The following PTN variants were observed in gnomAD, a reference collection of about 807,000 sequenced individuals.
The protein encoded by PTN is pleiotrophin.
Under a neutral mutation model 24.1 loss-of-function variants are expected in PTN, and 18 were observed. That is an observed-to-expected ratio of 0.75 (90% CI 0.52 to 1.11). PTN has a LOEUF of 1.11. Among genes scored for constraint, PTN ranks in the 50% least tolerant of loss-of-function variants. PTN has a pLI of 0.00. For missense variants in PTN, 163 were observed against 198.8 expected, an observed-to-expected ratio of 0.82 and a Z score of 1.08; for synonymous variants, 78 against 68.6, an observed-to-expected ratio of 1.14 and a Z score of -0.67.
chr7:137,316,402 G>A (rs1416010914), intron 1 of PTN, among the ~76,000 whole-genome samples: 1 of 152,038 alleles, frequency 6.6e-6, no homozygotes, highest in African/African-American at 2.4e-5. Flanking sequence ...TCCATATTCA[G>A]GGAACATAAG....
At chr7:137,250,441 C>G (rs988995106) in intron 4 of PTN, among the ~76,000 whole-genome samples, 3 of 152,174 alleles carry the variant, frequency 2.0e-5, no homozygotes, top group Non-Finnish European at 2.9e-5. Flanking sequence ...AGGGCCTACC[C>G]TTGTGACTGC....
chr7:137,252,983 G>A (rs1305051362), intron 3 of PTN, among the ~76,000 whole-genome samples: 1 of 152,116 alleles, frequency 6.6e-6, no homozygotes, highest in East Asian at 1.9e-4. Flanking sequence ...AAGTGACAGG[G>A]AGAAACATGG....
chr7:137,235,180 A>T (rs1015866570), intron 4 of PTN, among the ~76,000 whole-genome samples: 1 of 152,080 alleles, frequency 6.6e-6, no homozygotes, highest in Middle Eastern at 3.2e-3. Context: ...CGCAACGTAA[A>T]TATGTTCAAA....
chr7:137,263,618 C>A (rs1305705767), intron 1 of PTN, among the ~76,000 whole-genome samples: 1 of 151,992 alleles, frequency 6.6e-6, no homozygotes, highest in African/African-American at 2.4e-5. Flanking sequence ...AAGTACCAGG[C>A]CTATAATATT....
Position 137,228,085 on chromosome 7 carries a change from C to CA in PTN, c.452-11dup, listed in dbSNP as rs1563191493. 2.0e-6 allele frequency: 3 copies of CA among 1,484,726 alleles called. No homozygotes were observed. The highest frequency in any genetic ancestry group is 1.7e-5 in the Admixed American group (1 of 57,204). 92.0% of individuals were successfully genotyped at this position (1,484,726 alleles called of 1,614,324 possible). ...TTCTTCTTAGATTCTGCTGTGATTA[C>CA]AAAAAAGAGAGACAGAAAGAGAGAA... is the stretch of plus-strand genomic sequence containing the variant. On this transcript the variant is annotated splice_polypyrimidine_tract_variant and intron_variant, in intron 4 of 4. Coordinates refer to ENST00000348225, the MANE Select transcript of PTN (RefSeq NM_002825.7).
Position 137,229,841 on chromosome 7 carries a change from G to A in PTN, c.452-1766C>T, listed in dbSNP as rs151137715. Among the ~76,000 whole-genome samples the A allele has an allele frequency of 1.5e-3, 222 of 151,930 alleles. 1 individual carries two copies. The highest frequency in any genetic ancestry group is 5.2e-3 in the African/African-American group (217 of 41,496). ...TTTTAGATCAAAGGAGACATTATGT[G>A]TAATTTCCGAAAAATTATTCAGTGT... On this transcript the variant is annotated intron_variant, in intron 4 of 4. Coordinates refer to ENST00000348225, the MANE Select transcript of PTN (RefSeq NM_002825.7).
At chr7:137,291,046 G>A (rs566972540) in intron 1 of PTN, among the ~76,000 whole-genome samples, 1 of 152,170 alleles carries the variant, frequency 6.6e-6, no homozygotes, top group African/African-American at 2.4e-5. Context: ...TAACCAATAT[G>A]GGATCATTAA....
At chr7:137,271,310 T>C (rs1809267786) in intron 1 of PTN, among the ~76,000 whole-genome samples, 1 of 152,220 alleles carries the variant, frequency 6.6e-6, no homozygotes, top group African/African-American at 2.4e-5. Context: ...CAAAGTGTTC[T>C]TTTCCCATGT....
At chr7:137,312,465 A>C (rs1240775204) in intron 1 of PTN, among the ~76,000 whole-genome samples, 1 of 152,230 alleles carries the variant, frequency 6.6e-6, no homozygotes, top group African/African-American at 2.4e-5. Flanking sequence ...TGGGTGGTTT[A>C]TTCTGCCCGT....
intron 1 of PTN, among the ~76,000 whole-genome samples, chr7:137,274,241 C>T (rs906820045): frequency 6.6e-6 from 1 of 152,176 alleles, no homozygotes; most frequent in Non-Finnish European, 1.5e-5. Flanking sequence ...GCTCCTCCTT[C>T]ACTACTCACT....
intron 1 of PTN, among the ~76,000 whole-genome samples, chr7:137,328,541 G>A (rs1428130387): frequency 6.6e-6 from 1 of 152,132 alleles, no homozygotes; most frequent in African/African-American, 2.4e-5. Context: ...ACTGGAGCTA[G>A]CTGCTAATCA....
At chr7:137,284,633 A>G (rs532641514) in intron 1 of PTN, among the ~76,000 whole-genome samples, 12 of 152,206 alleles carry the variant, frequency 7.9e-5, no homozygotes, top group South Asian at 4.1e-4. Context: ...ATACCCTGAA[A>G]ATATACCACT....
intron 1 of PTN, among the ~76,000 whole-genome samples, chr7:137,273,020 GTGTGAT>G (rs1484517606): frequency 6.6e-6 from 1 of 152,218 alleles, no homozygotes; most frequent in Non-Finnish European, 1.5e-5. Flanking sequence ...GTGCATGCAT[GTGTGAT>G]TGTGATTGTG....
intron 1 of PTN, among the ~76,000 whole-genome samples, chr7:137,267,882 G>A (rs1011101193): frequency 1.3e-5 from 2 of 152,068 alleles, no homozygotes; most frequent in Non-Finnish European, 2.9e-5. Context: ...ACAAAGTGCC[G>A]ATACAGGCAT....
At chr7:137,332,693 G>A (rs1810378776) in intron 1 of PTN, among the ~76,000 whole-genome samples, 1 of 152,122 alleles carries the variant, frequency 6.6e-6, no homozygotes, top group South Asian at 2.1e-4. Context: ...GCACAGAGAG[G>A]GCAATTTTTT....
intron 2 of PTN, among the ~76,000 whole-genome samples, chr7:137,254,535 A>G (rs1033720748): frequency 2.6e-5 from 3 of 117,296 alleles, no homozygotes; most frequent in Non-Finnish European, 4.8e-5. Flanking sequence ...AACAAGTTGC[A>G]GTGCATTTTT....
At chr7:137,274,136 T>G (rs1809321452) in intron 1 of PTN, among the ~76,000 whole-genome samples, 1 of 152,022 alleles carries the variant, frequency 6.6e-6, no homozygotes, top group African/African-American at 2.4e-5. Context: ...GCACCAAGGG[T>G]TGCAGCAAGG....
intron 1 of PTN, among the ~76,000 whole-genome samples, chr7:137,324,417 T>TAAA (rs1366943397): frequency 7.9e-5 from 5 of 63,472 alleles, no homozygotes; most frequent in East Asian, 4.0e-4. Context: ...ACCCTGTCTC[T>TAAA]AAAAAAAAAA....
chr7:137,283,656 T>A (rs1205995772), intron 1 of PTN, among the ~76,000 whole-genome samples: 2 of 152,148 alleles, frequency 1.3e-5, no homozygotes, highest in Non-Finnish European at 2.9e-5. Context: ...TCTGCTACAT[T>A]ATTTGCATTC....
Sources: gnomAD v4.1 joint callset for allele counts (sites outside exome capture counted in the v4.1 genomes callset) on GRCh38, gnomAD v4.1.1 for gene constraint, MANE v1.5 for transcripts, NCBI Gene and HGNC (gene_info 2026-07-23, HGNC 2026-07-21) for gene names.